Variants in EPB41L4A observed in about 807,000 individuals in gnomAD.
EPB41L4A encodes the protein erythrocyte membrane protein band 4.1 like 4A.
Under a neutral mutation model 108.6 loss-of-function variants are expected in EPB41L4A, and 100 were observed. The ratio of observed to expected loss-of-function variants is 0.92; its 90% CI spans 0.78 to 1.09. The LOEUF (loss-of-function observed/expected upper bound fraction) is 1.09. Ranked by LOEUF, EPB41L4A falls within the 50% of genes least tolerant of loss-of-function variation. EPB41L4A has a pLI of 0.00. For synonymous variants in EPB41L4A, 319 were observed against 289.0 expected (o/e 1.10, Z -1.05); for missense variants, 1,030 against 842.7 (o/e 1.22, Z -2.75).
chr5:112,302,999 A>T (rs557410003), intron 2 of EPB41L4A, among the ~76,000 whole-genome samples: 1 of 152,144 alleles, frequency 6.6e-6, no homozygotes. Flanking sequence ...TCAAAGGGTT[A>T]CCTAAGAGGA....
chr5:112,247,676 CT>C (rs946523199), intron 9 of EPB41L4A, among the ~76,000 whole-genome samples: 3 of 152,106 alleles, frequency 2.0e-5, no homozygotes, highest in African/African-American at 4.8e-5. Context: ...AATACAGGTC[CT>C]GAATTCTTAC....
intron 18 of EPB41L4A, among the ~76,000 whole-genome samples, chr5:112,183,178 T>C (rs980167257): frequency 6.6e-6 from 1 of 152,094 alleles, no homozygotes; most frequent in Admixed American, 6.6e-5. Flanking sequence ...TGTCCTCTTG[T>C]CACCCTCCTG....
chr5:112,315,194 C>T (rs1755351028), intron 1 of EPB41L4A, among the ~76,000 whole-genome samples: 1 of 152,186 alleles, frequency 6.6e-6, no homozygotes, highest in East Asian at 1.9e-4. Flanking sequence ...TCCAAATCCT[C>T]TCAATCTCAT....
At chr5:112,174,664 C>T (rs984741769) in intron 18 of EPB41L4A, among the ~76,000 whole-genome samples, 5 of 152,096 alleles carry the variant, frequency 3.3e-5, no homozygotes, top group Admixed American at 3.3e-4. Flanking sequence ...ATCCCCCAAA[C>T]TATTCAACTA....
chr5:112,383,988 G>A (rs898496677), intron 1 of EPB41L4A, among the ~76,000 whole-genome samples: 8 of 152,076 alleles, frequency 5.3e-5, no homozygotes, highest in Non-Finnish European at 8.8e-5. Flanking sequence ...AAAATATTAC[G>A]CTAAGTAAAA....
chr5:112,211,427 T>C (rs777552097), intron 12 of EPB41L4A, among the ~76,000 whole-genome samples: 3 of 151,890 alleles, frequency 2.0e-5, no homozygotes, highest in Non-Finnish European at 4.4e-5. Flanking sequence ...ACTAAAAATA[T>C]AAAAATTAGC....
At chr5:112,158,350 C>T, downstream of EPB41L4A, 1 of 298,762 alleles carries the variant, frequency 3.3e-6, no homozygotes, top group Admixed American at 4.1e-5. Context: ...TTCCACAAAC[C>T]TTTCATAATT....
intron 7 of EPB41L4A, 31 bp from the exon 8 acceptor site, chr5:112,260,010 A>G: frequency 1.4e-6 from 2 of 1,408,280 alleles, no homozygotes; most frequent in Non-Finnish European, 1.0e-6. Context: ...CTATAACCAC[A>G]TATTCACATA....
Position 112,168,769 on chromosome 5 carries a change from A to T in EPB41L4A, c.1902T>A (p.Ala634=), listed in dbSNP as rs780468584. Reference sequence around the variant, plus strand: ...GAACTGTAGCATCCCCAGAACCCTGAGCATCCGAAGAACGGGTCACCGGAA... The same window carrying T: ...GAACTGTAGCATCCCCAGAACCCTGTGCATCCGAAGAACGGGTCACCGGAA... ...PPLPVTRSSD[A]QGSGDATVHQ... Residue 634 remains alanine, a synonymous_variant, in exon 22 of 23, where the codon GCT becomes GCA. Coordinates refer to ENST00000261486, the MANE Select transcript of EPB41L4A (RefSeq NM_022140.5). 6.2e-7 allele frequency: 1 copy of T among 1,613,984 alleles called. No homozygotes were observed. Among genetic ancestry groups the T allele is most frequent in the South Asian group, 1.1e-5 (1 of 91,066 alleles).
intron 1 of EPB41L4A, among the ~76,000 whole-genome samples, chr5:112,349,421 G>C (rs548626703): frequency 5.3e-5 from 8 of 152,300 alleles, no homozygotes; most frequent in African/African-American, 1.9e-4. Flanking sequence ...AGTTTGTGCA[G>C]CATTGCCTGT....
At chr5:112,165,249 A>C (rs1760173822) in intron 22 of EPB41L4A, 131 bp from the exon 23 acceptor site, 4 of 672,850 alleles carry the variant, frequency 5.9e-6, no homozygotes, top group Non-Finnish European at 5.0e-6. Context: ...ATAATACCAA[A>C]AGCTATTCAA....
At chr5:112,201,060 T>C (rs6865456) in intron 15 of EPB41L4A, among the ~76,000 whole-genome samples, 43,255 of 152,128 alleles carry the variant, frequency 0.28, 6,977 homozygotes, top group East Asian at 0.67. Context: ...TAGAGGTTTG[T>C]GCTGAGTGCA....
At chr5:112,145,731 T>C in intron 13 of EPB41L4A, 1 of 303,010 alleles carries the variant, frequency 3.3e-6, no homozygotes, top group South Asian at 2.8e-5. Context: ...ATCCCAAATT[T>C]GATAAACGTG....
chr5:112,346,216 A>ATTTTTTTTTT (rs561328868), intron 1 of EPB41L4A, among the ~76,000 whole-genome samples: 3,802 of 67,242 alleles, frequency 0.057, 1,086 homozygotes, highest in Non-Finnish European at 0.087. Context: ...GGTACATTGC[A>ATTTTTTTTTT]TTTTTTTTTT....
At chr5:112,291,985 G>A (rs955325801) in intron 2 of EPB41L4A, among the ~76,000 whole-genome samples, 1 of 152,220 alleles carries the variant, frequency 6.6e-6, no homozygotes, top group Non-Finnish European at 1.5e-5. Flanking sequence ...GCTCACACCT[G>A]TAATTACATG....
chr5:112,195,749 A>T, intron 15 of EPB41L4A, 41 bp from the exon 16 acceptor site: 1 of 1,570,632 alleles, frequency 6.4e-7, no homozygotes. Flanking sequence ...ACAGGAGATT[A>T]TCAATTGGCT....
At chr5:112,342,209 T>G (rs761072705) in intron 1 of EPB41L4A, among the ~76,000 whole-genome samples, 1 of 152,186 alleles carries the variant, frequency 6.6e-6, no homozygotes, top group Non-Finnish European at 1.5e-5. Context: ...ATACACAACA[T>G]GTATGATCAG....
In EPB41L4A at chr5:112,419,219, G is replaced by A. The variant is rs549144439; in HGVS notation, c.-180C>T. 2.3e-5 allele frequency: 11 copies of A among 485,694 alleles called. No homozygotes were observed. In the East Asian group the frequency reaches 3.5e-4, roughly 15 times the overall value. 30.1% of individuals were successfully genotyped at this position (485,694 alleles called of 1,614,324 possible). ...CGCCCGGCGGGGCGGGAGCGAGAAA[G>A]GCGGAAAAGCCCGGGAGAGTCAGCG... is the stretch of plus-strand genomic sequence containing the variant. On this transcript the variant is annotated 5_prime_UTR_variant, in exon 1 of 23. Coordinates refer to ENST00000261486, the MANE Select transcript of EPB41L4A (RefSeq NM_022140.5).
chr5:112,162,051 T>C (rs1021176260), downstream of EPB41L4A: 2 of 152,272 alleles, frequency 1.3e-5, no homozygotes, highest in African/African-American at 4.8e-5. Context: ...ATTGAGTTTT[T>C]TAAAAGCTTG....
Sources: gnomAD v4.1 joint callset for allele counts (sites outside exome capture counted in the v4.1 genomes callset) on GRCh38, gnomAD v4.1.1 for gene constraint, MANE v1.5 for transcripts, NCBI Gene and HGNC (gene_info 2026-07-23, HGNC 2026-07-21) for gene names.